The following UST variants were observed in gnomAD, a reference collection of about 807,000 sequenced individuals.
The protein encoded by UST is chondroitin sulfate 2-O-sulfotransferase.
In UST, 21 loss-of-function variants were observed where a neutral mutation model predicts 45.6. That is an observed-to-expected ratio of 0.46 (90% CI 0.33 to 0.66). The LOEUF is 0.66. UST is among the 30% of genes least tolerant of loss of function. The pLI is 0.02. For missense variants in UST, 463 were observed against 512.4 expected, an observed-to-expected ratio of 0.90 and a Z score of 0.93; for synonymous variants, 215 against 200.6, an observed-to-expected ratio of 1.07 and a Z score of -0.61.
Position 148,816,476 on chromosome 6 carries a change from A to G in UST, c.247+68799A>G, listed in dbSNP as rs568863305. Among the ~76,000 whole-genome samples, 3 of 152,316 alleles carry G rather than the reference A, an allele frequency of 2.0e-5. No individual in the cohort carries two copies. In the South Asian group the frequency reaches 6.2e-4, roughly 32 times the overall value. On this transcript the variant is annotated intron_variant, in intron 1 of 7. Transcript: ENST00000367463. ...CAGGATAAAAAGCAACTATCTTTAG[A>G]CCCCTGATGAGGGCATTTCTACAAA...
At chr6:148,937,908 T>C (rs368472413) in intron 2 of UST, among the ~76,000 whole-genome samples, 20 of 152,342 alleles carry the variant, frequency 1.3e-4, no homozygotes, top group African/African-American at 4.8e-4. Flanking sequence ...CTCCAACTTA[T>C]AAATGCTATT....
chr6:148,790,090 A>G lies in UST; in HGVS notation c.247+42413A>G, dbSNP rs577498230. ...CTTTCTCTGGGAATAATGCATTCGC[A>G]TTGCTATCGTAGTTATCCTTGCAGC... On this transcript the variant is annotated intron_variant, in intron 1 of 7. Coordinates refer to ENST00000367463, the MANE Select transcript of UST (RefSeq NM_005715.3). This position sits in a 1 kb window ranked among gnomAD's most constrained non-coding sequence, Gnocchi z 4.2. 1.2e-3 allele frequency among the ~76,000 whole-genome samples: 171 copies of G among 147,770 alleles called. 1 individual carries two copies. Among genetic ancestry groups the G allele is most frequent in the African/African-American group, 4.2e-3 (169 of 39,864 alleles).
intron 2 of UST, among the ~76,000 whole-genome samples, chr6:148,910,214 C>T (rs1779446958): frequency 6.8e-6 from 1 of 147,564 alleles, no homozygotes; most frequent in Non-Finnish European, 1.5e-5. Context: ...GATCTTGGCT[C>T]ACCACAACCT....
At chr6:148,836,974 G>T (rs1376630387) in intron 1 of UST, among the ~76,000 whole-genome samples, 1 of 152,128 alleles carries the variant, frequency 6.6e-6, no homozygotes, top group Admixed American at 6.5e-5. Context: ...ACAAGAATCA[G>T]GATCATTTTC....
At chr6:148,776,135 C>G (rs557642948) in intron 1 of UST, among the ~76,000 whole-genome samples, 97 of 152,082 alleles carry the variant, frequency 6.4e-4, no homozygotes, top group Admixed American at 2.9e-3. Flanking sequence ...AAATTTGCCT[C>G]CTCTGAAGGA....
rs1475554143 is a variant in UST, at chr6:148,941,318, G to C, written c.331G>C (p.Gly111Arg). 6.2e-7 allele frequency: 1 copy of C among 1,612,374 alleles called. No homozygotes were observed. Among genetic ancestry groups the C allele is most frequent in the Admixed American group, 1.7e-5 (1 of 59,412 alleles). The change falls in exon 3 of 8, where the codon GGC (glycine) becomes CGC (arginine). Residue 111 changes from glycine (G) to arginine (R), a missense_variant. Physicochemically the swap from Gly to Arg is moderately radical, Grantham distance 125. Around this residue, in one of 2 missense-constraint regions of UST, gnomAD observed 287 missense variants for 374.2 expected, o/e 0.77. Coordinates refer to ENST00000367463, the MANE Select transcript of UST (RefSeq NM_005715.3). ...AAGCCAGGTGGTGTACAACAGGGTA[G>C]GCAAGTGTGGGAGCCGTACTGTGGT... ...FPSQVVYNRV[G>R]KCGSRTVVLL...
chr6:148,817,252 G>A (rs548927033), intron 1 of UST, among the ~76,000 whole-genome samples: 1 of 152,344 alleles, frequency 6.6e-6, no homozygotes, highest in South Asian at 2.1e-4. Flanking sequence ...ACCTTTGGCT[G>A]TGGGCCAAAT....
intron 5 of UST, among the ~76,000 whole-genome samples, chr6:148,977,501 C>T (rs796278181): frequency 2.0e-5 from 3 of 152,070 alleles, no homozygotes; most frequent in Non-Finnish European, 2.9e-5. Flanking sequence ...CCTGTAATCC[C>T]GGCACTTTGG....
At chr6:148,793,216 AT>A (rs201508926) in intron 1 of UST, among the ~76,000 whole-genome samples, 2,786 of 152,036 alleles carry the variant, frequency 0.018, 38 homozygotes, top group Admixed American at 0.036. Flanking sequence ...TGAGCAAGTA[AT>A]TTTTTTTATG....
At chr6:149,062,771 A>G (rs151318266) in intron 7 of UST, among the ~76,000 whole-genome samples, 24 of 152,386 alleles carry the variant, frequency 1.6e-4, no homozygotes, top group African/African-American at 5.8e-4. Context: ...TCCTGGCTGT[A>G]CAGCCTTGAG....
intron 4 of UST, among the ~76,000 whole-genome samples, chr6:148,959,988 GC>G (rs1412237881): frequency 6.6e-6 from 1 of 151,944 alleles, no homozygotes; most frequent in Non-Finnish European, 1.5e-5. Flanking sequence ...CCAGCAAAGG[GC>G]CCTTTAACAG....
At chr6:148,816,906 C>T (rs1479710880) in intron 1 of UST, among the ~76,000 whole-genome samples, 1 of 152,030 alleles carries the variant, frequency 6.6e-6, no homozygotes, top group Non-Finnish European at 1.5e-5. Context: ...AAACCATTAC[C>T]CCCAACAGAT....
rs187351375 is a variant in UST at position 148,885,889 on chromosome 6, C to T, written c.248-1097C>T. 2.3e-4 allele frequency among the ~76,000 whole-genome samples: 35 copies of T among 152,366 alleles called. No homozygotes were observed. In the East Asian group the frequency reaches 5.8e-3, roughly 25 times the overall value. On this transcript the variant is annotated intron_variant, in intron 1 of 7. Transcript: ENST00000367463. ...TTATCCCCCAATCATCTACTGTTCT[C>T]TAGAGGTATTCTTGCAGTTCCGTTC...
intron 5 of UST, among the ~76,000 whole-genome samples, chr6:148,972,933 G>A (rs375814640): frequency 6.6e-6 from 1 of 151,938 alleles, no homozygotes; most frequent in South Asian, 2.1e-4. Flanking sequence ...AGCTGAGGTT[G>A]AGAACTACTG....
chr6:148,818,463 A>G (rs1173642794), intron 1 of UST, among the ~76,000 whole-genome samples: 1 of 152,266 alleles, frequency 6.6e-6, no homozygotes, highest in Non-Finnish European at 1.5e-5. Flanking sequence ...TCCCTAATTC[A>G]GTTGGTGGGA....
In UST at chr6:148,840,647, A is replaced by C. The variant is rs1191349186; in HGVS notation, c.248-46339A>C. On this transcript the variant is annotated intron_variant, in intron 1 of 7. Coordinates refer to ENST00000367463, the MANE Select transcript of UST (RefSeq NM_005715.3). ...CCGCATCCACAAGTTTCACACCCCA[A>C]GAATATTGTATTTTCAATCCGTGTC... is the stretch of plus-strand genomic sequence containing the variant. 5.9e-5 allele frequency among the ~76,000 whole-genome samples: 9 copies of C among 152,310 alleles called. No individual in the cohort carries two copies. In the East Asian group the frequency reaches 1.7e-3, roughly 29 times the overall value.
rs1006610766 is a variant in UST at position 149,023,163 on chromosome 6, G to A, written c.937+1682G>A. Among the ~76,000 whole-genome samples, 6 of 150,238 alleles carry A rather than the reference G, an allele frequency of 4.0e-5. No homozygotes were observed. In the East Asian group the frequency reaches 1.2e-3, roughly 29 times the overall value. ...GTGTGTGTGTGTGGTGTGGTGTGGT[G>A]TGTGGTGTGTGTGTGTCTAATACAC... On this transcript the variant is annotated intron_variant, in intron 7 of 7. Transcript: ENST00000367463.
chr6:149,000,499 G>A (rs1781526847), intron 5 of UST, among the ~76,000 whole-genome samples: 2 of 152,086 alleles, frequency 1.3e-5, no homozygotes, highest in African/African-American at 4.8e-5. Flanking sequence ...AGAGGAAGAA[G>A]ACGGAGACAG....
intron 4 of UST, among the ~76,000 whole-genome samples, chr6:148,958,030 A>G (rs772169617): frequency 4.6e-5 from 7 of 152,160 alleles, no homozygotes; most frequent in African/African-American, 7.2e-5. Context: ...AATGGTCAGA[A>G]CTTTTGAAGG....
Sources: allele counts gnomAD v4.1 joint callset (sites outside exome capture counted in the v4.1 genomes callset), GRCh38; gene constraint gnomAD v4.1.1; regional missense constraint gnomAD v4.1.1; non-coding constraint Gnocchi (gnomAD v3.1); transcripts MANE v1.5; gene names NCBI Gene and HGNC (gene_info 2026-07-23, HGNC 2026-07-21).